PRKCH: variants seen among roughly 807,000 people sequenced by gnomAD.
PRKCH encodes protein kinase C eta, also known as protein kinase C eta type.
PRKCH carries 28 observed loss-of-function variants against 82.5 expected under a neutral mutation model. The observed-to-expected ratio is 0.34, with a 90% CI of 0.25 to 0.47. The LOEUF (loss-of-function observed/expected upper bound fraction) is 0.47, where lower values mean the gene tolerates loss of function less well. PRKCH is among the 20% of genes least tolerant of loss of function. The pLI is 1.00. For synonymous variants in PRKCH, 322 were observed against 327.4 expected, an observed-to-expected ratio of 0.98 and a Z score of 0.18; for missense variants, 705 against 881.8, an observed-to-expected ratio of 0.80 and a Z score of 2.54.
intron 1 of PRKCH, among the ~76,000 whole-genome samples, chr14:61,329,254 T>TTTTTTTTTTTTTG (rs1555375988): frequency 5.7e-5 from 7 of 122,514 alleles, no homozygotes; most frequent in African/African-American, 1.3e-4. Flanking sequence ...TTTTTTTTTT[T>TTTTTTTTTTTTTG]GAGACAGAAT....
At chr14:61,509,761 A>T (rs974141807) in intron 10 of PRKCH, among the ~76,000 whole-genome samples, 2 of 151,800 alleles carry the variant, frequency 1.3e-5, no homozygotes, top group African/African-American at 4.8e-5. Flanking sequence ...AAAATAAAAT[A>T]AAAACTAGCC....
At chr14:61,329,328 C>T (rs2045750668) in intron 1 of PRKCH, among the ~76,000 whole-genome samples, 1 of 146,008 alleles carries the variant, frequency 6.8e-6, no homozygotes, top group South Asian at 2.3e-4. Flanking sequence ...CCTCCGCCTC[C>T]CAGGTTCAAG....
chr14:61,487,480 A>G (rs969359182), intron 10 of PRKCH, among the ~76,000 whole-genome samples: 4 of 152,082 alleles, frequency 2.6e-5, no homozygotes, highest in Non-Finnish European at 4.4e-5. Context: ...ATGATCTCTG[A>G]TGGTGAAGGG....
intron 1 of PRKCH, among the ~76,000 whole-genome samples, chr14:61,196,347 T>G (rs760496311): frequency 1.3e-5 from 2 of 152,196 alleles, no homozygotes; most frequent in Non-Finnish European, 2.9e-5. Flanking sequence ...GACAATGGAT[T>G]GATAATGGCC....
chr14:61,291,619 C>G (rs1315199762), intron 1 of PRKCH, among the ~76,000 whole-genome samples: 2 of 152,010 alleles, frequency 1.3e-5, no homozygotes, highest in Non-Finnish European at 2.9e-5. Flanking sequence ...CGTGAGCCAC[C>G]ATGCCCAGCT....
intron 1 of PRKCH, among the ~76,000 whole-genome samples, chr14:61,288,002 A>T (rs967196121): frequency 3.3e-5 from 5 of 152,252 alleles, no homozygotes; most frequent in African/African-American, 7.2e-5. Flanking sequence ...GTAAATAATT[A>T]AACATTTCAA....
At position 61,329,234 on chromosome 14, in the gene PRKCH, C is replaced by CTTTTTTTTTTTT. The variant is rs71117812; in HGVS notation, c.363+6779_363+6790dup. 2.0e-3 allele frequency among the ~76,000 whole-genome samples: 129 copies of CTTTTTTTTTTTT among 63,466 alleles called. 21 individuals are homozygous for CTTTTTTTTTTTT. The highest frequency in any genetic ancestry group is 5.1e-3 in the African/African-American group (75 of 14,774). 41.6% of individuals were successfully genotyped at this position (63,466 alleles called of 152,430 possible). A position where few individuals can be genotyped will look rare whatever the true frequency, so the allele number is the denominator to read the frequency against. ...ACTGCTCTTAGATAAACTCCTGAGTCTTTTTTTTTTTTTTTTTTTTGAGAC... is the reference window on the plus strand; with the variant it reads ...ACTGCTCTTAGATAAACTCCTGAGTCTTTTTTTTTTTTTTTTTTTTTTTTTTTTTTTTGAGAC... On this transcript the variant is annotated intron_variant, in intron 1 of 13. Transcript: ENST00000332981.
intron 2 of PRKCH, among the ~76,000 whole-genome samples, chr14:61,407,012 C>T (rs1252019237): frequency 2.6e-5 from 4 of 151,810 alleles, no homozygotes; most frequent in Non-Finnish European, 5.9e-5. Context: ...TGATCCGGGG[C>T]TGATTTTTGT....
At chr14:61,506,848 G>T (rs528452680) in intron 10 of PRKCH, among the ~76,000 whole-genome samples, 2 of 152,232 alleles carry the variant, frequency 1.3e-5, no homozygotes, top group East Asian at 1.9e-4. Context: ...TTTCTTTGAA[G>T]GTGAATGCAC....
chr14:61,272,154 G>C (rs933487683), intron 1 of PRKCH, among the ~76,000 whole-genome samples: 1 of 151,728 alleles, frequency 6.6e-6, no homozygotes, highest in African/African-American at 2.4e-5. Flanking sequence ...CGTGAACCCG[G>C]GGGGCGGAGC....
chr14:61,229,856 C>T (rs2044727175), intron 1 of PRKCH, among the ~76,000 whole-genome samples: 1 of 152,190 alleles, frequency 6.6e-6, no homozygotes, highest in African/African-American at 2.4e-5. Context: ...CACATGTGCA[C>T]AGAAGCCAGT....
At chr14:61,274,894 A>C (rs1158236742) in intron 1 of PRKCH, among the ~76,000 whole-genome samples, 3 of 152,218 alleles carry the variant, frequency 2.0e-5, no homozygotes, top group Non-Finnish European at 4.4e-5. Flanking sequence ...CATGAAAGTG[A>C]ATATATGAGC....
intron 1 of PRKCH, among the ~76,000 whole-genome samples, chr14:61,263,887 G>A (rs1055605879): frequency 2.9e-5 from 4 of 140,042 alleles, no homozygotes; most frequent in Non-Finnish European, 3.2e-5. Context: ...GTGTGTGTGT[G>A]TGTGTGTGTA....
At chr14:61,291,071 T>C (rs1297943466) in intron 1 of PRKCH, among the ~76,000 whole-genome samples, 1 of 152,190 alleles carries the variant, frequency 6.6e-6, no homozygotes, top group Non-Finnish European at 1.5e-5. Context: ...TCCAACAAGA[T>C]AATATGCCAA....
rs115673783 is a variant in PRKCH at position 61,444,873 on chromosome 14, G to A, written c.579-819G>A. 4.2e-3 allele frequency among the ~76,000 whole-genome samples: 646 copies of A among 152,284 alleles called. 4 individuals carry two copies. Among genetic ancestry groups the A allele is most frequent in the African/African-American group, 0.014 (602 of 41,548 alleles). ...ATATTACAACTTTTAATCTTCATTA[G>A]AGCCCTGTGCAGTAGGAACGGTTAT... On this transcript the variant is annotated intron_variant, in intron 3 of 13. Transcript: ENST00000332981.
intron 12 of PRKCH, among the ~76,000 whole-genome samples, chr14:61,534,314 T>A (rs1248629033): frequency 6.6e-6 from 1 of 152,194 alleles, no homozygotes; most frequent in Non-Finnish European, 1.5e-5. Context: ...AAGCAACCCA[T>A]GTGTCCATCA....
chr14:61,530,258 T>C (rs1280281443), intron 11 of PRKCH, 149 bp from the exon 12 acceptor site: 2 of 878,690 alleles, frequency 2.3e-6, no homozygotes, highest in African/African-American at 1.7e-5. Flanking sequence ...GACCACTCTG[T>C]AGAAATGGAA....
intron 1 of PRKCH, among the ~76,000 whole-genome samples, chr14:61,346,409 G>A (rs560670254): frequency 9.8e-5 from 15 of 152,296 alleles, no homozygotes; most frequent in Admixed American, 3.9e-4. Context: ...CATGTTGTAC[G>A]TTCTGCAAAC....
chr14:61,200,370 T>C lies in PRKCH; in HGVS notation c.-19+12702T>C, dbSNP rs570106194. Among the ~76,000 whole-genome samples the C allele has an allele frequency of 3.3e-4, 49 of 150,236 alleles. 2 individuals are homozygous for C. Among genetic ancestry groups the C allele is most frequent in the Middle Eastern group, 6.8e-3 (2 of 292 alleles). ...GAAAACAGGAACACTCATATGCTAC[T>C]GTTTAAGTGAGTGAGTGAGTGTGTG... On this transcript the variant is annotated intron_variant, in intron 1 of 3. Coordinates refer to the PRKCH transcript ENST00000555185.
Sources: gnomAD v4.1 joint callset for allele counts (sites outside exome capture counted in the v4.1 genomes callset) on GRCh38, gnomAD v4.1.1 for gene constraint, MANE v1.5 for transcripts, NCBI Gene and HGNC (gene_info 2026-07-23, HGNC 2026-07-21) for gene names.